The following MORF4L1 variants were observed in gnomAD, a reference collection of about 807,000 sequenced individuals.
MORF4L1 encodes mortality factor 4-like protein 1.
MORF4L1 carries 4 observed loss-of-function variants against 52.9 expected under a neutral mutation model. That is an observed-to-expected ratio of 0.08 (90% confidence interval 0.04 to 0.17). The LOEUF (loss-of-function observed/expected upper bound fraction) is 0.17, where lower values mean the gene tolerates loss of function less well. MORF4L1 is among the 10% of genes least tolerant of loss of function. MORF4L1 has a pLI of 1.00. For synonymous variants in MORF4L1, 123 were observed against 134.8 expected (o/e 0.91, Z 0.61); for missense variants, 214 against 390.4 (o/e 0.55, Z 3.81).
intron 2 of MORF4L1, among the ~76,000 whole-genome samples, chr15:78,879,324 C>T: frequency 6.6e-6 from 1 of 152,032 alleles, no homozygotes; most frequent in Non-Finnish European, 1.5e-5. Context: ...CGGGTTGAAG[C>T]AATTCTCCTG....
At chr15:78,883,073 G>T (rs150032720) in intron 3 of MORF4L1, among the ~76,000 whole-genome samples, 1 of 152,128 alleles carries the variant, frequency 6.6e-6, no homozygotes, top group African/African-American at 2.4e-5. Flanking sequence ...AAATTAGCCA[G>T]GTGTGGTGGC....
chr15:78,896,861 A>G, intron 11 of MORF4L1, 122 bp from the exon 12 acceptor site: 1 of 673,184 alleles, frequency 1.5e-6, no homozygotes, highest in East Asian at 3.0e-5. Flanking sequence ...CTGTGAGAGA[A>G]TGTCTGGTTT....
intron 2 of MORF4L1, among the ~76,000 whole-genome samples, chr15:78,878,582 A>G (rs1377918604): frequency 6.7e-6 from 1 of 149,112 alleles, no homozygotes; most frequent in Non-Finnish European, 1.5e-5. Flanking sequence ...TGCTGAAGTT[A>G]CTTTTAAAAG....
chr15:78,873,315 G>A lies in MORF4L1; in HGVS notation c.40+258G>A, dbSNP rs906904208. 24 of 1,174,558 alleles carry A rather than the reference G, an allele frequency of 2.0e-5. No individual in the cohort carries two copies. In the African/African-American group the frequency reaches 2.7e-4, roughly 13 times the overall value. 72.8% of individuals were successfully genotyped at this position (1,174,558 alleles called of 1,614,324 possible). A position where few individuals can be genotyped will look rare whatever the true frequency, so the allele number is the denominator to read the frequency against. On this transcript the variant is annotated intron_variant, in intron 1 of 11. Transcript: ENST00000426013. Reference sequence around the variant, plus strand: ...TTGGCGCGTGGCACACCCTCGTCAAGTGTTTGTTATTGTTCTGAGGAAGAG... The same window carrying A: ...TTGGCGCGTGGCACACCCTCGTCAAATGTTTGTTATTGTTCTGAGGAAGAG...
rs117717686 is a variant in MORF4L1 at position 78,875,933 on chromosome 15, T to C, written c.41-2280T>C. Among the ~76,000 whole-genome samples the C allele has an allele frequency of 2.1e-4, 31 of 148,198 alleles. No individual in the cohort carries two copies. The East Asian group carries it at 6.0e-3, about 29-fold the overall frequency. On this transcript the variant is annotated intron_variant, in intron 1 of 11. Transcript: ENST00000426013. ...AGAGTGGCGAGAAGTAGTGTTTTTT[T>C]GTTTTGTTTTGTTTTTTTCTTTTTG...
At chr15:78,876,443 A>G (rs747168791) in intron 1 of MORF4L1, 2 of 407,462 alleles carry the variant, frequency 4.9e-6, no homozygotes, top group Non-Finnish European at 9.9e-6. Context: ...GAGACGGAGC[A>G]TTTGCTGTCC....
intron 1 of MORF4L1, among the ~76,000 whole-genome samples, chr15:78,874,340 T>G (rs1393619047): frequency 6.6e-6 from 1 of 151,488 alleles, no homozygotes; most frequent in African/African-American, 2.5e-5. Flanking sequence ...TTATGGAATA[T>G]TTAAGGAGGT....
chr15:78,894,561 C>T (rs183288932), intron 10 of MORF4L1: 7 of 446,722 alleles, frequency 1.6e-5, no homozygotes, highest in Admixed American at 1.5e-4. Context: ...GTGTGCACCA[C>T]CACATCTGTG....
At chr15:78,887,190 C>A in intron 4 of MORF4L1, 79 bp from the exon 5 acceptor site, 1 of 1,212,428 alleles carries the variant, frequency 8.2e-7, no homozygotes, top group Non-Finnish European at 1.2e-6. Context: ...AATGTAAATT[C>A]CTAATGGAAT....
intron 4 of MORF4L1, among the ~76,000 whole-genome samples, chr15:78,886,565 C>G (rs539686623): frequency 6.6e-6 from 1 of 152,222 alleles, no homozygotes; most frequent in Admixed American, 6.5e-5. Flanking sequence ...GAGGCATTTC[C>G]TATTCTGCTT....
intron 1 of MORF4L1, among the ~76,000 whole-genome samples, chr15:78,874,334 G>A (rs1227829115): frequency 6.6e-6 from 1 of 151,788 alleles, no homozygotes; most frequent in Non-Finnish European, 1.5e-5. Flanking sequence ...TTAAGTTTAT[G>A]GAATATTTAA....
chr15:78,874,413 C>G (rs1596235990), intron 1 of MORF4L1, among the ~76,000 whole-genome samples: 1 of 152,092 alleles, frequency 6.6e-6, no homozygotes, highest in Admixed American at 6.6e-5. Context: ...ATGTTTGTCA[C>G]CCAGGCTGTA....
rs1372899365 is a variant in MORF4L1, at chr15:78,894,834, A to G, written c.817A>G (p.Met273Val). 2 of 1,613,334 alleles carry G rather than the reference A, an allele frequency of 1.2e-6. No individual in the cohort carries two copies. Among genetic ancestry groups the G allele is most frequent in the Non-Finnish European group, 8.5e-7 (1 of 1,179,256 alleles). Reference protein sequence around the residue: ...LLRLFVRIGAMLAYTPLDEKS... With the variant: ...LLRLFVRIGAVLAYTPLDEKS... ...TGTTTAAACAGTACGAATTGGAGCA[A>G]TGTTGGCTTATACACCTCTGGATGA... Residue 273 changes from methionine (M) to valine (V), a missense_variant, in exon 11 of 12, where the codon ATG becomes GTG. Around this residue, in one of 5 missense-constraint regions of MORF4L1, gnomAD observed 68 missense variants for 171.6 expected, o/e 0.40. Transcript: ENST00000426013.
chr15:78,876,701 C>A, intron 1 of MORF4L1: 1 of 380,684 alleles, frequency 2.6e-6, no homozygotes, highest in Non-Finnish European at 5.4e-6. Context: ...CATTTTAGTT[C>A]TCGTTCCTGG....
intron 5 of MORF4L1, 91 bp from the exon 6 acceptor site, chr15:78,890,898 T>G: frequency 8.3e-7 from 1 of 1,206,102 alleles, no homozygotes; most frequent in South Asian, 1.7e-5. Flanking sequence ...CAAGTTAGTA[T>G]TTCTCTGTGA....
chr15:78,894,391 T>G (rs79987052), intron 10 of MORF4L1, 161 bp downstream of exon 10: 13 of 535,852 alleles, frequency 2.4e-5, no homozygotes, highest in Non-Finnish European at 3.7e-5. Context: ...GCAAGAGTTT[T>G]AAAAATCGTG....
At chr15:78,895,529 A>G (rs1473366364) in intron 11 of MORF4L1, among the ~76,000 whole-genome samples, 1 of 152,238 alleles carries the variant, frequency 6.6e-6, no homozygotes, top group African/African-American at 2.4e-5. Context: ...CATTTTTATA[A>G]TAGTGAAGAA....
intron 5 of MORF4L1, among the ~76,000 whole-genome samples, chr15:78,890,382 CCTT>C (rs1313458820): frequency 6.6e-6 from 1 of 151,492 alleles, no homozygotes; most frequent in African/African-American, 2.4e-5. Flanking sequence ...ACCTTTGACA[CCTT>C]TTTTTTTTGG....
At chr15:78,882,048 T>C (rs550532469) in intron 3 of MORF4L1, among the ~76,000 whole-genome samples, 13 of 152,366 alleles carry the variant, frequency 8.5e-5, no homozygotes, top group African/African-American at 3.1e-4. Context: ...CAGCTGAGAA[T>C]TTATCAGACC....
Sources: allele counts gnomAD v4.1 joint callset (sites outside exome capture counted in the v4.1 genomes callset), GRCh38; gene constraint gnomAD v4.1.1; regional missense constraint gnomAD v4.1.1; transcripts MANE v1.5; gene names NCBI Gene and HGNC (gene_info 2026-07-23, HGNC 2026-07-21).